The following SIGLEC11 variants were observed in gnomAD, a reference collection of about 807,000 sequenced individuals.
SIGLEC11 encodes the protein sialic acid binding Ig like lectin 11.
A neutral mutation model predicts 61.2 loss-of-function variants in SIGLEC11; 47 were observed. The ratio of observed to expected loss-of-function variants is 0.77; its 90% CI spans 0.61 to 0.98. The LOEUF is 0.98. Ranked by LOEUF, SIGLEC11 falls within the 50% of genes least tolerant of loss-of-function variation. SIGLEC11 has a pLI of 0.00. For synonymous variants in SIGLEC11, 278 were observed against 373.1 expected (o/e 0.75, Z 2.94); for missense variants, 610 against 870.3 (o/e 0.70, Z 3.76).
chr19:49,958,948 C>T (rs201952288), intron 6 of SIGLEC11, 48 bp from the exon 7 acceptor site: 28 of 1,611,488 alleles, frequency 1.7e-5, no homozygotes, highest in Middle Eastern at 1.6e-4. Flanking sequence ...GGCTCAGGGA[C>T]CCTCCTGTGT....
At chr19:49,953,493 T>C (rs1392106059) in intron 8 of SIGLEC11, among the ~76,000 whole-genome samples, 1 of 152,156 alleles carries the variant, frequency 6.6e-6, no homozygotes, top group Admixed American at 6.6e-5. Flanking sequence ...CGAGAGTGGC[T>C]TACCACCCTA....
chr19:49,958,359 G>A lies in SIGLEC11; in HGVS notation c.1575C>T (p.Ser525=), dbSNP rs1383916778. The A allele has an allele frequency of 1.9e-6, 3 of 1,614,242 alleles. No homozygotes were observed. In the African/African-American group the frequency reaches 4.0e-5, roughly 22 times the overall value. The change falls in exon 8 of 11, where the codon AGC becomes AGT. Residue 525 remains serine, a synonymous_variant. Coordinates refer to ENST00000447370, the MANE Select transcript of SIGLEC11 (RefSeq NM_052884.3). ...CCTTACAGCGGAGCCTGAGGCCGGA[G>A]CTGAGCCCTCCATGGAGGCTCAGGG... ...NSSLSLHGGL[S]SGLRLRCKAW...
intron 9 of SIGLEC11, 116 bp downstream of exon 9, chr19:49,952,182 C>T: frequency 8.4e-7 from 1 of 1,184,182 alleles, no homozygotes; most frequent in Non-Finnish European, 1.2e-6. Flanking sequence ...ATCCTCTTGC[C>T]CAAGGCCTAG....
intron 6 of SIGLEC11, 43 bp downstream of exon 6, chr19:49,958,987 G>A (rs1811375): frequency 0.42 from 676,690 of 1,608,628 alleles, 147,555 homozygotes; most frequent in African/African-American, 0.66. Context: ...TGGGCCCCCA[G>A]TTTGGCACTG....
At position 49,950,110 on chromosome 19, in the gene SIGLEC11, T is replaced by G; in HGVS notation, c.1957A>C (p.Arg653=). 6.2e-7 allele frequency: 1 copy of G among 1,612,528 alleles called. No homozygotes were observed. The highest frequency in any genetic ancestry group is 8.5e-7 in the Non-Finnish European group (1 of 1,179,422). ...HYASLSFQGL[R]LWEPADQEAP... ...TCCTGGTCCGCAGGCTCCCAGAGCC[T>G]CAGGCCCTGGAAGCTGAGGGAGGCA... Residue 653 remains arginine, a synonymous_variant, in exon 11 of 11, where the codon AGG becomes CGG. Coordinates refer to ENST00000447370, the MANE Select transcript of SIGLEC11 (RefSeq NM_052884.3).
At position 49,951,998 on chromosome 19, in the gene SIGLEC11, G is replaced by C; in HGVS notation, c.1749-26C>G. ...CTGAGGGAGGAGGCAGTGCCCTTCA[G>C]CCTCCAGGCTGGTCCAGAGCCTGGG... On this transcript the variant is annotated intron_variant, in intron 9 of 10. Transcript: ENST00000447370. The surrounding 1 kb of genome is among the most constrained non-coding windows in gnomAD (Gnocchi z 4.6). The C allele has an allele frequency of 1.3e-6, 2 of 1,594,822 alleles. No homozygotes were observed. Among genetic ancestry groups the C allele is most frequent in the Non-Finnish European group, 1.7e-6 (2 of 1,172,046 alleles).
At position 49,960,589 on chromosome 19, in the gene SIGLEC11, A is replaced by G. The variant is rs142415341; in HGVS notation, c.423T>C (p.His141=). ...GAAAGAACGCATTGCTCAGGAAACT[A>G]TGTCTCACACGGCTTCCTCTCTCCA... is the stretch of plus-strand genomic sequence containing the variant. The part of the protein sequence containing the change: ...FRVERGSRVR[H]SFLSNAFFLK... Residue 141 remains histidine (H), a synonymous_variant, in exon 2 of 11, where the codon CAT becomes CAC. Coordinates refer to ENST00000447370, the MANE Select transcript of SIGLEC11 (RefSeq NM_052884.3). The G allele has an allele frequency of 1.8e-5, 28 of 1,598,134 alleles. 1 individual carries two copies. The highest frequency in any genetic ancestry group is 4.9e-5 in the African/African-American group (3 of 61,590).
Position 49,955,827 on chromosome 19 carries a change from C to T in SIGLEC11, c.1651+2456G>A, listed in dbSNP as rs144834607. On this transcript the variant is annotated intron_variant, in intron 8 of 10. Transcript: ENST00000447370. The surrounding 1 kb of genome is among the most constrained non-coding windows in gnomAD (Gnocchi z 4.5). ...GCGGGCGCCTGTAGTCCCAGCTACT[C>T]GGGAGGCTGAGGCAGGAGAATGGCG... is the stretch of plus-strand genomic sequence containing the variant. 1.0e-3 allele frequency among the ~76,000 whole-genome samples: 158 copies of T among 150,766 alleles called. No individual in the cohort carries two copies. The highest frequency in any genetic ancestry group is 3.7e-3 in the African/African-American group (152 of 40,988).
Position 49,951,743 on chromosome 19 carries a change from CA to C in SIGLEC11, c.1830+147del. ...GCAGTGGGGAGGGTGCCTCCCAGAT[CA>C]TGGGACTTGGGACTGCATTGATGGG... On this transcript the variant is annotated intron_variant, in intron 10 of 10. Transcript: ENST00000447370. The surrounding 1 kb of genome is among the most constrained non-coding windows in gnomAD (Gnocchi z 4.6). 1 of 624,144 alleles carries C rather than the reference CA, an allele frequency of 1.6e-6. No homozygotes were observed. 38.7% of individuals were successfully genotyped at this position (624,144 alleles called of 1,614,324 possible).
At chr19:49,952,872 A>G (rs1274638683) in intron 8 of SIGLEC11, among the ~76,000 whole-genome samples, 1 of 152,084 alleles carries the variant, frequency 6.6e-6, no homozygotes, top group Non-Finnish European at 1.5e-5. Flanking sequence ...TATGTCACCT[A>G]TCCTAAAATT....
At chr19:49,952,789 C>CT (rs926350568) in intron 8 of SIGLEC11, among the ~76,000 whole-genome samples, 6 of 151,558 alleles carry the variant, frequency 4.0e-5, no homozygotes, top group South Asian at 2.1e-4. Flanking sequence ...TTAGCCAGTT[C>CT]TTTTTTTTTC....
intron 8 of SIGLEC11, among the ~76,000 whole-genome samples, chr19:49,956,291 G>T (rs1179975567): frequency 6.6e-6 from 1 of 152,216 alleles, no homozygotes; most frequent in African/African-American, 2.4e-5. Context: ...AACTGCTTAG[G>T]ACAGCAATAT....
chr19:49,950,339 C>A, intron 10 of SIGLEC11, 103 bp from the exon 11 acceptor site: 1 of 1,238,014 alleles, frequency 8.1e-7, no homozygotes, highest in South Asian at 1.9e-5. Context: ...TCCTGTTTCA[C>A]CTACTCATTC....
intron 8 of SIGLEC11, among the ~76,000 whole-genome samples, chr19:49,957,370 C>A (rs1438993642): frequency 6.6e-6 from 1 of 151,568 alleles, no homozygotes; most frequent in African/African-American, 2.4e-5. Flanking sequence ...AAAAAAGTAA[C>A]AGGCAAGGCA....
At position 49,951,984 on chromosome 19, in the gene SIGLEC11, G is replaced by C. The variant is rs776421346; in HGVS notation, c.1749-12C>G. Reference sequence around the variant, plus strand: ...TGCAGATCTTCACCCTGAGGGAGGAGGCAGTGCCCTTCAGCCTCCAGGCTG... The same window carrying C: ...TGCAGATCTTCACCCTGAGGGAGGACGCAGTGCCCTTCAGCCTCCAGGCTG... On this transcript the variant is annotated splice_polypyrimidine_tract_variant and intron_variant, in intron 9 of 10. Transcript: ENST00000447370. This position sits in a 1 kb window ranked among gnomAD's most constrained non-coding sequence, Gnocchi z 4.6. 3 of 1,604,922 alleles carry C rather than the reference G, an allele frequency of 1.9e-6. No homozygotes were observed. Among genetic ancestry groups the C allele is most frequent in the Non-Finnish European group, 8.5e-7 (1 of 1,176,592 alleles).
At position 49,955,077 on chromosome 19, in the gene SIGLEC11, C is replaced by A. The variant is rs772406458; in HGVS notation, c.1652-2683G>T. 5.1e-4 allele frequency among the ~76,000 whole-genome samples: 78 copies of A among 152,100 alleles called. No homozygotes were observed. The highest frequency in any genetic ancestry group is 6.8e-4 in the Non-Finnish European group (46 of 68,002). On this transcript the variant is annotated intron_variant, in intron 8 of 10. Coordinates refer to ENST00000447370, the MANE Select transcript of SIGLEC11 (RefSeq NM_052884.3). The surrounding 1 kb of genome is among the most constrained non-coding windows in gnomAD (Gnocchi z 4.5). ...GAAAATCAGCGCATGGTAAACACAG[C>A]ATTTGTAGGGCAAGCCCAGGGTGAC...
At chr19:49,958,259 C>A in intron 8 of SIGLEC11, 24 bp downstream of exon 8, 1 of 1,609,238 alleles carries the variant, frequency 6.2e-7, no homozygotes, top group Non-Finnish European at 8.5e-7. Context: ...CTCCCTGAAC[C>A]TCAGCCCCCC....
At chr19:49,954,479 C>T (rs1301382286) in intron 8 of SIGLEC11, among the ~76,000 whole-genome samples, 2 of 152,174 alleles carry the variant, frequency 1.3e-5, no homozygotes, top group African/African-American at 2.4e-5. Flanking sequence ...TATGCAAATG[C>T]CTGTCAGGGA....
chr19:49,957,888 G>A (rs1482191975), intron 8 of SIGLEC11, among the ~76,000 whole-genome samples: 1 of 152,126 alleles, frequency 6.6e-6, no homozygotes. Context: ...CTACTCAGGT[G>A]GCTGAGGCAG....
Sources: allele counts gnomAD v4.1 joint callset (sites outside exome capture counted in the v4.1 genomes callset), GRCh38; gene constraint gnomAD v4.1.1; non-coding constraint Gnocchi (gnomAD v3.1); transcripts MANE v1.5; gene names NCBI Gene and HGNC (gene_info 2026-07-23, HGNC 2026-07-21).